MYOF: variants seen among roughly 807,000 people sequenced by gnomAD.
MYOF encodes the protein fer-1-like 3, myoferlin.
In MYOF, 244 loss-of-function variants were observed where a neutral mutation model predicts 284.2. The ratio of observed to expected loss-of-function variants is 0.86; its 90% CI spans 0.77 to 0.95. MYOF has a LOEUF of 0.95. Ranked by LOEUF, MYOF falls within the 40% of genes least tolerant of loss-of-function variation. The pLI, the probability that MYOF is intolerant of heterozygous loss-of-function variation, is 0.00. For synonymous variants in MYOF, 904 were observed against 919.7 expected (o/e 0.98, Z 0.31); for missense variants, 2,496 against 2,560.6 (o/e 0.97, Z 0.54).
At chr10:93,447,154 G>A (rs1260718906) in intron 3 of MYOF, among the ~76,000 whole-genome samples, 1 of 152,214 alleles carries the variant, frequency 6.6e-6, no homozygotes, top group African/African-American at 2.4e-5. Flanking sequence ...AATTATGCAT[G>A]TCATAGGTTC....
At chr10:93,367,114 G>A (rs1477179350) in intron 25 of MYOF, among the ~76,000 whole-genome samples, 2 of 152,120 alleles carry the variant, frequency 1.3e-5, no homozygotes, top group African/African-American at 4.8e-5. Flanking sequence ...GCCCTTATTA[G>A]ACCTAAAAGT....
intron 17 of MYOF, among the ~76,000 whole-genome samples, chr10:93,390,819 A>T (rs1846641611): frequency 1.3e-5 from 2 of 152,212 alleles, no homozygotes; most frequent in African/African-American, 2.4e-5. Flanking sequence ...GATTTAAAAA[A>T]AAAAAAGAGG....
intron 17 of MYOF, among the ~76,000 whole-genome samples, chr10:93,391,597 GA>G (rs5787055): frequency 6.7e-6 from 1 of 148,300 alleles, no homozygotes; most frequent in Non-Finnish European, 1.5e-5. Flanking sequence ...CTCCATCTCA[GA>G]AAAAAAAAAG....
chr10:93,401,431 C>A lies in MYOF; in HGVS notation c.1104G>T (p.Glu368Asp). Residue 368 changes from glutamate to aspartate, a missense_variant, in exon 12 of 54, where the codon GAG becomes GAT. Around this residue, in one of 3 missense-constraint regions of MYOF, gnomAD observed 2,436 missense variants for 2,480.7 expected, o/e 0.98. Transcript: ENST00000359263. ...ATCAGTACATACTCTGGGGGATGTC[C>A]TCAGCTCGGTAGATTTTCAGCAAGA... Reference protein sequence around the residue: ...VTFLLKIYRAEDIPQMDDAFS... With the variant: ...VTFLLKIYRADDIPQMDDAFS... 1 of 1,614,124 alleles carries A rather than the reference C, an allele frequency of 6.2e-7. No homozygotes were observed. Among genetic ancestry groups the A allele is most frequent in the South Asian group, 1.1e-5 (1 of 91,076 alleles).
At chr10:93,331,222 T>C (rs769869487) in intron 43 of MYOF, among the ~76,000 whole-genome samples, 6 of 152,174 alleles carry the variant, frequency 3.9e-5, no homozygotes, top group African/African-American at 7.2e-5. Flanking sequence ...TGTTCCTTCC[T>C]GAATTCCTGT....
At chr10:93,336,227 A>G (rs1843601797) in intron 40 of MYOF, among the ~76,000 whole-genome samples, 181 bp from the exon 41 acceptor site, 4 of 152,196 alleles carry the variant, frequency 2.6e-5, no homozygotes, top group Admixed American at 2.6e-4. Context: ...TTTCTTTTGG[A>G]GTTAAGTAGC....
intron 53 of MYOF, among the ~76,000 whole-genome samples, chr10:93,307,559 A>C (rs937222804): frequency 8.0e-5 from 12 of 149,878 alleles, no homozygotes; most frequent in Non-Finnish European, 4.4e-5. Flanking sequence ...CTCGGCCTCC[A>C]AACATGGTGG....
At chr10:93,396,047 A>T (rs1251945864) in intron 16 of MYOF, 95 bp downstream of exon 16, 1 of 925,358 alleles carries the variant, frequency 1.1e-6, no homozygotes, top group African/African-American at 1.7e-5. Context: ...TAAGAAACCA[A>T]ACCTACTGTG....
intron 18 of MYOF, among the ~76,000 whole-genome samples, chr10:93,388,271 A>T (rs1846497938): frequency 6.6e-6 from 1 of 152,176 alleles, no homozygotes; most frequent in Non-Finnish European, 1.5e-5. Context: ...ACCGTACTTC[A>T]GCAGGGAAGC....
intron 41 of MYOF, 147 bp from the exon 42 acceptor site, chr10:93,334,060 T>C: frequency 1.4e-6 from 1 of 726,766 alleles, no homozygotes; most frequent in Non-Finnish European, 2.2e-6. Context: ...GCACTTTGCA[T>C]ATTTCCAGTA....
In MYOF at chr10:93,349,923, G is replaced by A. The variant is rs1396823832; in HGVS notation, c.3968C>T (p.Ser1323Phe). ...CACAACAAGACTGGGGGATGTGATA[G>A]AAGCCATCTGGAAGTTTTTCATATT... ...LRNMKNFQMA[S>F]ITSPSLVVEC... is the part of the protein sequence containing the mutation. The change falls in exon 36 of 54, where the codon TCT becomes TTT. Residue 1323 changes from serine to phenylalanine, a missense_variant. Ser to Phe is a radical substitution (Grantham distance 155). This residue lies in a region of MYOF where 2,436 missense variants were observed against 2,480.7 expected (regional missense o/e 0.98). Transcript: ENST00000359263. The A allele has an allele frequency of 1.9e-6, 3 of 1,614,140 alleles. No individual in the cohort carries two copies. Among genetic ancestry groups the A allele is most frequent in the East Asian group, 2.2e-5 (1 of 44,874 alleles).
chr10:93,368,458 T>C (rs1845425670), intron 25 of MYOF, among the ~76,000 whole-genome samples: 2 of 152,166 alleles, frequency 1.3e-5, no homozygotes, highest in Admixed American at 6.5e-5. Flanking sequence ...ATCATTGCAA[T>C]AGATTGTGAG....
chr10:93,316,765 G>T lies in MYOF; in HGVS notation c.5647C>A (p.Leu1883Met). The T allele has an allele frequency of 1.2e-6, 2 of 1,613,984 alleles. No individual in the cohort carries two copies. Among genetic ancestry groups the T allele is most frequent in the Non-Finnish European group, 1.7e-6 (2 of 1,179,928 alleles). ...TCATTGTCCCATATCTGAATGATCA[G>T]CCTGGGTGGGATTCGAAATTCCGTT... ...DQTEFRIPPRLIIQIWDNDKF... is the reference protein window; with the variant it reads ...DQTEFRIPPRMIIQIWDNDKF... Residue 1883 changes from leucine (L) to methionine (M), a missense_variant, in exon 50 of 54, where the codon CTG becomes ATG. Physicochemically the swap from Leu to Met is conservative, Grantham distance 15. This residue lies in a region of MYOF where 2,436 missense variants were observed against 2,480.7 expected (regional missense o/e 0.98). Transcript: ENST00000359263.
At chr10:93,459,924 G>A (rs539806894) in intron 1 of MYOF, among the ~76,000 whole-genome samples, 5 of 152,260 alleles carry the variant, frequency 3.3e-5, no homozygotes, top group East Asian at 3.9e-4. Context: ...GGCTTGGGGG[G>A]GTGGAGAACT....
chr10:93,423,525 GAAAAAAAAAAAAAAA>G (rs59012520), intron 5 of MYOF, among the ~76,000 whole-genome samples: 3 of 14,874 alleles, frequency 2.0e-4, no homozygotes, highest in Non-Finnish European at 3.8e-4. Flanking sequence ...GACTCCATCT[GAAAAAAAAAAAAAAA>G]AAAAAAAAAA....
chr10:93,437,393 G>A (rs1849177157), intron 3 of MYOF, among the ~76,000 whole-genome samples: 1 of 152,108 alleles, frequency 6.6e-6, no homozygotes, highest in Non-Finnish European at 1.5e-5. Context: ...GTGAGTAAGG[G>A]CTTTGCCGGC....
intron 5 of MYOF, among the ~76,000 whole-genome samples, chr10:93,423,525 GAAAAA>G (rs59012520): frequency 2.7e-4 from 4 of 14,892 alleles, no homozygotes; most frequent in Non-Finnish European, 5.1e-4. Context: ...GACTCCATCT[GAAAAA>G]AAAAAAAAAA....
intron 3 of MYOF, among the ~76,000 whole-genome samples, chr10:93,433,324 A>G (rs1189946907): frequency 1.3e-5 from 2 of 151,986 alleles, no homozygotes; most frequent in South Asian, 4.2e-4. Flanking sequence ...AGCCCAGCTC[A>G]TTTTGTATTT....
intron 5 of MYOF, among the ~76,000 whole-genome samples, chr10:93,417,942 C>T (rs942968967): frequency 3.3e-5 from 5 of 152,136 alleles, no homozygotes; most frequent in East Asian, 1.9e-4. Flanking sequence ...AAATTACAGA[C>T]GTGCATCATC....
Sources: gnomAD v4.1 joint callset for allele counts (sites outside exome capture counted in the v4.1 genomes callset) on GRCh38, gnomAD v4.1.1 for gene constraint, gnomAD v4.1.1 regional missense constraint, MANE v1.5 for transcripts, NCBI Gene and HGNC (gene_info 2026-07-23, HGNC 2026-07-21) for gene names.